The following CHSY1 variants were observed in gnomAD, a reference collection of about 807,000 sequenced individuals.
CHSY1 encodes the protein N-acetylgalactosaminyl-proteoglycan 3-beta-glucuronosyltransferase 1.
CHSY1 carries 13 observed loss-of-function variants against 59.8 expected under a neutral mutation model. The observed-to-expected ratio is 0.22, with a 90% confidence interval of 0.14 to 0.35. CHSY1 has a LOEUF of 0.35. Ranked by LOEUF, CHSY1 falls within the 10% of genes least tolerant of loss-of-function variation. The pLI is 1.00. For synonymous variants in CHSY1, 459 were observed against 401.2 expected, an observed-to-expected ratio of 1.14 and a Z score of -1.72; for missense variants, 947 against 1,030.6, an observed-to-expected ratio of 0.92 and a Z score of 1.11.
intron 2 of CHSY1, among the ~76,000 whole-genome samples, chr15:101,218,718 C>T (rs1223219425): frequency 6.6e-6 from 1 of 152,206 alleles, no homozygotes; most frequent in Non-Finnish European, 1.5e-5. Flanking sequence ...TGAGCTACAG[C>T]CATGCCAGCC....
rs190597761 is a variant in CHSY1, at chr15:101,223,958, T to C, written c.816+11124A>G. Among the ~76,000 whole-genome samples, 12 of 152,382 alleles carry C rather than the reference T, an allele frequency of 7.9e-5. No homozygotes were observed. The East Asian group carries it at 1.5e-3, about 20-fold the overall frequency. ...CCCCTTAGACTGTGGTCCCGTAAGA[T>C]TGTAATACCTTATTTTCACTGTACC... is the stretch of plus-strand genomic sequence containing the variant. On this transcript the variant is annotated intron_variant, in intron 2 of 2. Coordinates refer to ENST00000254190, the MANE Select transcript of CHSY1 (RefSeq NM_014918.5).
In CHSY1 at chr15:101,177,981, C is replaced by T. The variant is rs764704418; in HGVS notation, c.1816G>A (p.Gly606Arg). Reference protein sequence around the residue: ...KADMQILPVSGEFSRALALEV... With the variant: ...KADMQILPVSREFSRALALEV... ...AGGGCCAGGGCTCTTGAAAACTCTC[C>T]AGACACAGGCAAAATCTGCATGTCG... The change falls in exon 3 of 3, where the codon GGA becomes AGA. Residue 606 changes from glycine to arginine, a missense_variant. Transcript: ENST00000254190. 6.2e-6 allele frequency: 10 copies of T among 1,614,058 alleles called. No homozygotes were observed. The highest frequency in any genetic ancestry group is 1.3e-5 in the African/African-American group (1 of 74,914).
At chr15:101,211,921 CAA>C (rs79234555) in intron 2 of CHSY1, among the ~76,000 whole-genome samples, 9 of 120,236 alleles carry the variant, frequency 7.5e-5, no homozygotes, top group Admixed American at 8.5e-5. Context: ...ATATATCATC[CAA>C]AAAAAAAAAA....
intron 2 of CHSY1, among the ~76,000 whole-genome samples, chr15:101,229,377 T>C (rs2038871143): frequency 1.3e-5 from 2 of 152,310 alleles, no homozygotes. Flanking sequence ...AAAAAAGATA[T>C]ACCATGCAAA....
At chr15:101,181,564 C>G (rs1352023167) in intron 2 of CHSY1, among the ~76,000 whole-genome samples, 1 of 152,208 alleles carries the variant, frequency 6.6e-6, no homozygotes, top group Non-Finnish European at 1.5e-5. Flanking sequence ...AATTCCATCT[C>G]CCCATGTATC....
At chr15:101,192,316 G>A (rs773866488) in intron 2 of CHSY1, among the ~76,000 whole-genome samples, 12 of 152,272 alleles carry the variant, frequency 7.9e-5, no homozygotes, top group Non-Finnish European at 1.3e-4. Context: ...CTGTCAATAC[G>A]TAAACATTAC....
chr15:101,243,054 CTTAA>C (rs754157660), intron 1 of CHSY1, among the ~76,000 whole-genome samples: 6 of 151,680 alleles, frequency 4.0e-5, no homozygotes, highest in Non-Finnish European at 8.8e-5. Context: ...CCTTTTTTTT[CTTAA>C]TTAAGCTGTT....
At chr15:101,233,222 A>G (rs2038908207) in intron 2 of CHSY1, among the ~76,000 whole-genome samples, 1 of 152,200 alleles carries the variant, frequency 6.6e-6, no homozygotes, top group South Asian at 2.1e-4. Flanking sequence ...CCAGGATGAC[A>G]CTTTCTAACT....
intron 1 of CHSY1, among the ~76,000 whole-genome samples, chr15:101,242,350 G>A (rs2039011073): frequency 6.6e-6 from 1 of 152,216 alleles, no homozygotes; most frequent in African/African-American, 2.4e-5. Context: ...CAACTGCAAA[G>A]TGCTCTTGTG....
intron 2 of CHSY1, among the ~76,000 whole-genome samples, chr15:101,181,011 A>G (rs1177086534): frequency 6.6e-6 from 1 of 152,238 alleles, no homozygotes; most frequent in Non-Finnish European, 1.5e-5. Context: ...TGAAGCAAAT[A>G]TAGTCATTTT....
At position 101,177,844 on chromosome 15, in the gene CHSY1, G is replaced by T; in HGVS notation, c.1953C>A (p.Gly651=). Reference sequence around the variant, plus strand: ...AGATGATTGGAAAATATATTTGTTGGCCCAGAACTGTATTTGCTCGACATC... The same window carrying T: ...AGATGATTGGAAAATATATTTGTTGTCCCAGAACTGTATTTGCTCGACATC... ...LQRCRANTVL[G]QQIYFPIIFS... Residue 651 remains glycine (G), a synonymous_variant, in exon 3 of 3, where the codon GGC becomes GGA. Coordinates refer to ENST00000254190, the MANE Select transcript of CHSY1 (RefSeq NM_014918.5). 6.2e-7 allele frequency: 1 copy of T among 1,614,166 alleles called. No individual in the cohort carries two copies. Among genetic ancestry groups the T allele is most frequent in the Non-Finnish European group, 8.5e-7 (1 of 1,180,014 alleles).
chr15:101,193,809 GGA>G (rs1233471297), intron 2 of CHSY1, among the ~76,000 whole-genome samples: 1 of 152,214 alleles, frequency 6.6e-6, no homozygotes, highest in Non-Finnish European at 1.5e-5. Context: ...CTCCACACCA[GGA>G]GAGTGTGCAT....
At chr15:101,188,207 T>G in intron 2 of CHSY1, 1 of 985,390 alleles carries the variant, frequency 1.0e-6, no homozygotes, top group Non-Finnish European at 1.2e-6. Flanking sequence ...AGTGGTTTTC[T>G]CACCCTTTTG....
Position 101,177,843 on chromosome 15 carries a change from G to T in CHSY1, c.1954C>A (p.Gln652Lys), listed in dbSNP as rs773686281. The T allele has an allele frequency of 1.2e-5, 19 of 1,614,120 alleles. No individual in the cohort carries two copies. The highest frequency in any genetic ancestry group is 4.4e-5 in the South Asian group (4 of 91,084). ...QRCRANTVLGQQIYFPIIFSQ... is the reference protein window; with the variant it reads ...QRCRANTVLGKQIYFPIIFSQ... ...AAGATGATTGGAAAATATATTTGTT[G>T]GCCCAGAACTGTATTTGCTCGACAT... The change falls in exon 3 of 3, where the codon CAA (glutamine) becomes AAA (lysine). Residue 652 changes from glutamine to lysine, a missense_variant. Gln to Lys is a moderately conservative substitution (Grantham distance 53). This residue lies in a region of CHSY1 where 602 missense variants were observed against 676.9 expected (regional missense o/e 0.89). Transcript: ENST00000254190.
intron 2 of CHSY1, among the ~76,000 whole-genome samples, chr15:101,195,133 CTTA>C (rs1007097802): frequency 1.2e-4 from 19 of 152,252 alleles, no homozygotes; most frequent in African/African-American, 4.1e-4. Context: ...ACAATATATA[CTTA>C]TTATAAAATT....
At chr15:101,240,782 C>A (rs1165188316) in intron 1 of CHSY1, among the ~76,000 whole-genome samples, 1 of 152,220 alleles carries the variant, frequency 6.6e-6, no homozygotes, top group Admixed American at 6.5e-5. Flanking sequence ...CTCCCACAAG[C>A]TTAGCGTTCC....
Position 101,226,438 on chromosome 15 carries a change from G to T in CHSY1, c.816+8644C>A, listed in dbSNP as rs1249991866. The stretch of plus-strand genomic sequence containing the variant: ...GTTCAGGGGAGTCAGGTAACTCGCT[G>T]CCCAAGACCACACAGCTAGTGAAGA... On this transcript the variant is annotated intron_variant, in intron 2 of 2. Transcript: ENST00000254190. Among the ~76,000 whole-genome samples, 5 of 152,272 alleles carry T rather than the reference G, an allele frequency of 3.3e-5. No individual in the cohort carries two copies. In the South Asian group the frequency reaches 1.0e-3, roughly 32 times the overall value.
intron 2 of CHSY1, among the ~76,000 whole-genome samples, chr15:101,192,340 T>C (rs1272317462): frequency 6.6e-6 from 1 of 152,188 alleles, no homozygotes; most frequent in Non-Finnish European, 1.5e-5. Context: ...AGAAGAGACG[T>C]GTCATGCCCA....
chr15:101,235,339 T>C lies in CHSY1; in HGVS notation c.559A>G (p.Ser187Gly), dbSNP rs1238602611. Residue 187 changes from serine (S) to glycine (G), a missense_variant, in exon 2 of 3, where the codon AGT becomes GGT. By Grantham distance (56) the Ser-to-Gly change is moderately conservative. Around this residue, in one of 4 missense-constraint regions of CHSY1, gnomAD observed 108 missense variants for 144.4 expected, o/e 0.75. Coordinates refer to ENST00000254190, the MANE Select transcript of CHSY1 (RefSeq NM_014918.5). Reference sequence around the variant, plus strand: ...AAGAGGGGCTCGCTGCTGTTCAAACTCCTCAGGAAGTTCTCCAGACGGTCT... The same window carrying C: ...AAGAGGGGCTCGCTGCTGTTCAAACCCCTCAGGAAGTTCTCCAGACGGTCT... ...KGDRLENFLR[S>G]LNSSEPLFLG... The C allele has an allele frequency of 1.9e-5, 31 of 1,614,194 alleles. No individual in the cohort carries two copies. The highest frequency in any genetic ancestry group is 2.5e-5 in the Non-Finnish European group (30 of 1,180,036).
Sources: allele counts gnomAD v4.1 joint callset (sites outside exome capture counted in the v4.1 genomes callset), GRCh38; gene constraint gnomAD v4.1.1; regional missense constraint gnomAD v4.1.1; transcripts MANE v1.5; gene names NCBI Gene and HGNC (gene_info 2026-07-23, HGNC 2026-07-21).